PRKDC: variants seen among roughly 807,000 people sequenced by gnomAD.
PRKDC encodes DNA-dependent protein kinase catalytic subunit.
Under a neutral mutation model 486.9 loss-of-function variants are expected in PRKDC, and 82 were observed. The observed-to-expected ratio is 0.17, with a 90% CI of 0.14 to 0.20. PRKDC has a LOEUF of 0.20. Ranked by LOEUF, PRKDC falls within the 10% of genes least tolerant of loss-of-function variation. PRKDC has a pLI of 1.00. For synonymous variants in PRKDC, 1,895 were observed against 1,837.0 expected (o/e 1.03, Z -0.81); for missense variants, 4,504 against 5,038.2 (o/e 0.89, Z 3.21).
intron 7 of PRKDC, among the ~76,000 whole-genome samples, chr8:47,953,266 C>T (rs1204988788): frequency 6.6e-6 from 1 of 152,154 alleles, no homozygotes; most frequent in African/African-American, 2.4e-5. Flanking sequence ...AAGAAAGTAC[C>T]ACTGCACTCC....
intron 52 of PRKDC, among the ~76,000 whole-genome samples, chr8:47,850,363 C>A (rs1285832281): frequency 1.3e-5 from 2 of 152,154 alleles, no homozygotes; most frequent in Non-Finnish European, 2.9e-5. Context: ...ACGTTTTGAG[C>A]CTCAGCATGA....
At chr8:47,864,855 T>G (rs575742829) in intron 40 of PRKDC, 92 bp from the exon 41 acceptor site, 365 of 1,108,500 alleles carry the variant, frequency 3.3e-4, no homozygotes, top group Middle Eastern at 5.6e-4. Context: ...TAAACACCAG[T>G]GATTACAAAT....
At chr8:47,921,597 T>C (rs2090072931) in intron 21 of PRKDC, among the ~76,000 whole-genome samples, 1 of 152,162 alleles carries the variant, frequency 6.6e-6, no homozygotes. Flanking sequence ...GTGCATGCTG[T>C]CTCTTGGGGG....
intron 63 of PRKDC, among the ~76,000 whole-genome samples, chr8:47,825,523 A>AAC (rs2154499191): frequency 1.3e-5 from 2 of 151,426 alleles, no homozygotes; most frequent in African/African-American, 4.8e-5. Context: ...AAAAAAAAAA[A>AAC]AAAAAAAAAA....
chr8:47,779,096 A>G lies in PRKDC; in HGVS notation c.11490-3T>C. The G allele has an allele frequency of 6.3e-7, 1 of 1,575,182 alleles. No individual in the cohort carries two copies. The highest frequency in any genetic ancestry group is 8.6e-7 in the Non-Finnish European group (1 of 1,157,758). ...CACACGGCGGTGCCCTGGGATCACT[A>G]ATGAGTGAGAAAAGGGGAATTGGAA... On this transcript the variant is annotated splice_polypyrimidine_tract_variant and splice_region_variant and intron_variant, in intron 80 of 85. Transcript: ENST00000314191.
Position 47,955,913 on chromosome 8 carries a change from A to C in PRKDC, c.360T>G (p.Ala120=), listed in dbSNP as rs2090692838. 2 of 1,606,364 alleles carry C rather than the reference A, an allele frequency of 1.2e-6. No homozygotes were observed. Among genetic ancestry groups the C allele is most frequent in the Non-Finnish European group, 1.7e-6 (2 of 1,174,728 alleles). The change falls in exon 4 of 86, where the codon GCT becomes GCG. Residue 120 remains alanine (A), a synonymous_variant. Coordinates refer to ENST00000314191, the MANE Select transcript of PRKDC (RefSeq NM_006904.7). ...TCTSVYTKDR[A]AKCKIPALDL... is the part of the protein sequence containing the mutation. ...CCAGGGCTGGAATTTTACATTTAGC[A>C]GCTCTATCTTTTGTATAAACACTGG...
At chr8:47,893,107 A>T (rs1298615321) in intron 31 of PRKDC, 32 bp downstream of exon 31, 14 of 1,542,078 alleles carry the variant, frequency 9.1e-6, no homozygotes, top group Middle Eastern at 1.7e-4. Context: ...TGGCAGCACG[A>T]CACACACCAG....
At chr8:47,858,742 A>C in intron 47 of PRKDC, 107 bp from the exon 48 acceptor site, 1 of 1,465,332 alleles carries the variant, frequency 6.8e-7, no homozygotes, top group Admixed American at 2.8e-5. Context: ...AAAAAAAATC[A>C]CATTTATTTG....
intron 25 of PRKDC, among the ~76,000 whole-genome samples, chr8:47,907,533 CTT>C (rs1028272336): frequency 2.3e-5 from 3 of 133,138 alleles, no homozygotes; most frequent in Admixed American, 7.7e-5. Context: ...ATTTATATAC[CTT>C]TTTTTTTTTT....
At chr8:47,825,182 C>T (rs1695755944) in intron 63 of PRKDC, among the ~76,000 whole-genome samples, 2 of 152,108 alleles carry the variant, frequency 1.3e-5, no homozygotes, top group Admixed American at 1.3e-4. Context: ...TATACTGGTT[C>T]CATTGTCCCT....
At chr8:47,924,703 ACTCT>A (rs997267277) in intron 21 of PRKDC, among the ~76,000 whole-genome samples, 6 of 151,618 alleles carry the variant, frequency 4.0e-5, no homozygotes, top group East Asian at 1.9e-4. Context: ...ACAAACACAC[ACTCT>A]CTCTCTCTCA....
chr8:47,774,689 A>C (rs772306376), intron 85 of PRKDC, among the ~76,000 whole-genome samples: 48 of 152,220 alleles, frequency 3.2e-4, no homozygotes, highest in Non-Finnish European at 6.6e-4. Flanking sequence ...TTCCCACAGC[A>C]GCTGCACCTT....
At chr8:47,855,711 A>G (rs2088522896) in intron 49 of PRKDC, among the ~76,000 whole-genome samples, 1 of 152,210 alleles carries the variant, frequency 6.6e-6, no homozygotes, top group Non-Finnish European at 1.5e-5. Flanking sequence ...GGGGAGCAGC[A>G]TGAAGGTGCT....
chr8:47,939,950 G>GAAAAAAA (rs75394842), intron 10 of PRKDC: 3 of 65,828 alleles, frequency 4.6e-5, no homozygotes, highest in Non-Finnish European at 3.1e-5. Flanking sequence ...ACATAAGTCT[G>GAAAAAAA]AAAAAAAAAA....
chr8:47,904,816 T>A (rs1328611507), intron 26 of PRKDC, 53 bp downstream of exon 26: 1 of 1,319,442 alleles, frequency 7.6e-7, no homozygotes, highest in African/African-American at 1.5e-5. Context: ...TAAACAAACA[T>A]CAAATACAAC....
At chr8:47,926,147 C>T (rs1429820822) in intron 21 of PRKDC, among the ~76,000 whole-genome samples, 1 of 152,132 alleles carries the variant, frequency 6.6e-6, no homozygotes, top group Non-Finnish European at 1.5e-5. Flanking sequence ...CAGATATATT[C>T]ATTTTACTAA....
At chr8:47,900,341 T>C in intron 28 of PRKDC, 32 bp downstream of exon 28, 2 of 1,536,070 alleles carry the variant, frequency 1.3e-6, no homozygotes, top group African/African-American at 2.8e-5. Flanking sequence ...TTCAGACCTG[T>C]AACGCACACA....
chr8:47,904,825 A>G, intron 26 of PRKDC, 44 bp downstream of exon 26: 2 of 1,338,568 alleles, frequency 1.5e-6, no homozygotes, highest in Non-Finnish European at 2.1e-6. Flanking sequence ...ATCAAATACA[A>G]CTAATCGATG....
chr8:47,798,510 T>G (rs1020825974), intron 72 of PRKDC, 113 bp from the exon 73 acceptor site: 20 of 1,165,264 alleles, frequency 1.7e-5, no homozygotes, highest in East Asian at 1.6e-4. Context: ...AGTGTCATTG[T>G]TCTCTTCTTA....
Sources: allele counts gnomAD v4.1 joint callset (sites outside exome capture counted in the v4.1 genomes callset), GRCh38; gene constraint gnomAD v4.1.1; transcripts MANE v1.5; gene names NCBI Gene and HGNC (gene_info 2026-07-23, HGNC 2026-07-21).